Variants in PRKAR2A observed in about 807,000 individuals in gnomAD.
PRKAR2A encodes cAMP-dependent protein kinase type II-alpha regulatory subunit.
In PRKAR2A, 29 loss-of-function variants were observed where a neutral mutation model predicts 51.9. That is an observed-to-expected ratio of 0.56 (90% CI 0.42 to 0.76). The LOEUF (loss-of-function observed/expected upper bound fraction) is 0.76. Ranked by LOEUF, PRKAR2A falls within the 30% of genes least tolerant of loss-of-function variation. The pLI, the probability that PRKAR2A is intolerant of heterozygous loss-of-function variation, is 0.00. For missense variants in PRKAR2A, 445 were observed against 512.1 expected, an observed-to-expected ratio of 0.87 and a Z score of 1.26; for synonymous variants, 178 against 186.2, an observed-to-expected ratio of 0.96 and a Z score of 0.36.
At chr3:48,788,450 C>T (rs914869135) in intron 4 of PRKAR2A, among the ~76,000 whole-genome samples, 4 of 152,092 alleles carry the variant, frequency 2.6e-5, no homozygotes, top group African/African-American at 7.2e-5. Context: ...GGATTACAGG[C>T]GTGAGCCCCC....
rs200669421 is a variant in PRKAR2A, at chr3:48,815,625, G to A, written c.263-7941C>T. 7.9e-5 allele frequency among the ~76,000 whole-genome samples: 12 copies of A among 151,176 alleles called. 1 individual carries two copies. Among genetic ancestry groups the A allele is most frequent in the East Asian group, 7.8e-4 (4 of 5,116 alleles). ...GGAGAATCGCTTGAACCTGGGAGGC[G>A]GAGGTCACAGTAAGCCGAGATCGCG... On this transcript the variant is annotated intron_variant, in intron 1 of 10. Transcript: ENST00000265563.
chr3:48,775,987 A>T (rs1017975244), intron 5 of PRKAR2A, among the ~76,000 whole-genome samples: 5 of 152,070 alleles, frequency 3.3e-5, no homozygotes, highest in Admixed American at 6.6e-5. Context: ...GGTGCCTGTA[A>T]TCCCAGCTAT....
At chr3:48,826,935 G>C (rs1185579813) in intron 1 of PRKAR2A, among the ~76,000 whole-genome samples, 1 of 149,298 alleles carries the variant, frequency 6.7e-6, no homozygotes, top group East Asian at 2.0e-4. Context: ...CAAAAATAAA[G>C]ATAAACATAG....
chr3:48,792,133 G>A (rs2082399275), intron 3 of PRKAR2A, among the ~76,000 whole-genome samples: 1 of 151,670 alleles, frequency 6.6e-6, no homozygotes, highest in Non-Finnish European at 1.5e-5. Context: ...TAACATAATA[G>A]ATCACTAAAG....
intron 8 of PRKAR2A, among the ~76,000 whole-genome samples, 197 bp downstream of exon 8, chr3:48,764,807 T>G (rs1345743388): frequency 6.6e-6 from 1 of 152,134 alleles, no homozygotes; most frequent in Non-Finnish European, 1.5e-5. Flanking sequence ...GTATTTTTAG[T>G]AGAGATGGAG....
Position 48,829,871 on chromosome 3 carries a change from A to ATT in PRKAR2A, c.262+17462_262+17463dup, listed in dbSNP as rs763726926. On this transcript the variant is annotated intron_variant, in intron 1 of 10. Coordinates refer to ENST00000265563, the MANE Select transcript of PRKAR2A (RefSeq NM_004157.4). The stretch of plus-strand genomic sequence containing the variant: ...TGTATATATATATATATATATATAT[A>ATT]TTTTTTTTTTTTTTTTAAGCTTTTT... Among the ~76,000 whole-genome samples, 169 of 87,722 alleles carry ATT rather than the reference A, an allele frequency of 1.9e-3. 1 individual carries two copies. Among genetic ancestry groups the ATT allele is most frequent in the African/African-American group, 6.1e-3 (114 of 18,676 alleles). The allele number at this position is 87,722 out of a possible 152,430, so 57.5% of individuals were successfully genotyped here.
chr3:48,757,879 A>G (rs1447725148), intron 8 of PRKAR2A, among the ~76,000 whole-genome samples: 2 of 151,656 alleles, frequency 1.3e-5, no homozygotes, highest in Non-Finnish European at 2.9e-5. Context: ...AACATGGTGA[A>G]GCCCCATCTC....
At chr3:48,755,520 C>T (rs1025646510) in intron 9 of PRKAR2A, among the ~76,000 whole-genome samples, 3 of 152,018 alleles carry the variant, frequency 2.0e-5, no homozygotes, top group African/African-American at 4.8e-5. Context: ...ATCCTAGAGA[C>T]CTCTTCTAAC....
intron 1 of PRKAR2A, among the ~76,000 whole-genome samples, chr3:48,829,666 A>G (rs1473007843): frequency 7.0e-6 from 1 of 142,348 alleles, no homozygotes; most frequent in African/African-American, 2.5e-5. Context: ...ACGTGTGTAT[A>G]CACACACATA....
At position 48,787,475 on chromosome 3, in the gene PRKAR2A, C is replaced by T. The variant is rs796249308; in HGVS notation, c.435+3069G>A. 4.6e-5 allele frequency among the ~76,000 whole-genome samples: 7 copies of T among 152,200 alleles called. No homozygotes were observed. The South Asian group carries it at 8.3e-4, about 18-fold the overall frequency. On this transcript the variant is annotated intron_variant, in intron 4 of 10. Transcript: ENST00000265563. Reference sequence around the variant, plus strand: ...TGCTGGGATTACAGGAATGAGCCACCGTGCCCGTCCAAGTTATAACTTTTC... The same window carrying T: ...TGCTGGGATTACAGGAATGAGCCACTGTGCCCGTCCAAGTTATAACTTTTC...
chr3:48,813,352 A>G (rs1342416036), intron 1 of PRKAR2A, among the ~76,000 whole-genome samples: 1 of 152,038 alleles, frequency 6.6e-6, no homozygotes, highest in Non-Finnish European at 1.5e-5. Context: ...TCAGTGAGCT[A>G]TCATCAAGCC....
intron 1 of PRKAR2A, among the ~76,000 whole-genome samples, chr3:48,822,596 A>C (rs150914286): frequency 6.6e-6 from 1 of 152,340 alleles, no homozygotes; most frequent in African/African-American, 2.4e-5. Context: ...TTCTGTAATT[A>C]AAACACAAGA....
intron 1 of PRKAR2A, among the ~76,000 whole-genome samples, chr3:48,827,183 C>T (rs1318985476): frequency 2.0e-5 from 3 of 151,516 alleles, no homozygotes; most frequent in African/African-American, 7.3e-5. Context: ...GGCTGAGAAA[C>T]CAACCAACTA....
chr3:48,840,878 CCTTT>C (rs2083369345), intron 1 of PRKAR2A, among the ~76,000 whole-genome samples: 4 of 134,384 alleles, frequency 3.0e-5, no homozygotes, highest in Admixed American at 7.6e-5. Flanking sequence ...GCCTGGCCCA[CCTTT>C]TTTTTTTTTT....
intron 1 of PRKAR2A, among the ~76,000 whole-genome samples, chr3:48,843,637 G>A (rs372094245): frequency 6.6e-6 from 1 of 152,066 alleles, no homozygotes; most frequent in South Asian, 2.1e-4. Context: ...CCAAAACAGA[G>A]ATATAGATCA....
At chr3:48,839,373 G>A (rs1289351105) in intron 1 of PRKAR2A, among the ~76,000 whole-genome samples, 3 of 147,562 alleles carry the variant, frequency 2.0e-5, no homozygotes, top group Admixed American at 6.8e-5. Flanking sequence ...ACTTGTATGT[G>A]AAGCATATCT....
At chr3:48,761,608 T>C (rs2107220914) in intron 8 of PRKAR2A, among the ~76,000 whole-genome samples, 1 of 152,160 alleles carries the variant, frequency 6.6e-6, no homozygotes, top group East Asian at 1.9e-4. Flanking sequence ...CTACTGAAAG[T>C]TTTTATTTAT....
chr3:48,768,344 T>TAG (rs1559608383), intron 6 of PRKAR2A, among the ~76,000 whole-genome samples: 36 of 122,350 alleles, frequency 2.9e-4, no homozygotes, highest in East Asian at 1.3e-3. Context: ...TAGATAGATA[T>TAG]AGACAGACAG....
At position 48,765,021 on chromosome 3, in the gene PRKAR2A, C is replaced by T. The variant is rs2081919172; in HGVS notation, c.856G>A (p.Glu286Lys). The T allele has an allele frequency of 6.2e-7, 1 of 1,614,002 alleles. No individual in the cohort carries two copies. Among genetic ancestry groups the T allele is most frequent in the Admixed American group, 1.7e-5 (1 of 60,002 alleles). ...VIGEKIYKDG[E>K]RIITQGEKAD... ...TCACTCACCTGAGTGATTATGCGTT[C>T]TCCATCCTTATAGATCTTCTCTCCT... Residue 286 changes from glutamate (E) to lysine (K), a missense_variant, in exon 8 of 11, where the codon GAA becomes AAA. Transcript: ENST00000265563.
Sources: gnomAD v4.1 joint callset for allele counts (sites outside exome capture counted in the v4.1 genomes callset) on GRCh38, gnomAD v4.1.1 for gene constraint, MANE v1.5 for transcripts, NCBI Gene and HGNC (gene_info 2026-07-23, HGNC 2026-07-21) for gene names.